The following ZNF782 variants were observed in gnomAD, a reference collection of about 807,000 sequenced individuals.
ZNF782 encodes zinc finger protein 782.
A neutral mutation model predicts 13.0 loss-of-function variants in ZNF782; 12 were observed. The observed-to-expected ratio is 0.92, with a 90% confidence interval of 0.59 to 1.50. The LOEUF (loss-of-function observed/expected upper bound fraction) is 1.50. Among genes scored for constraint, ZNF782 ranks in the 40% most tolerant of loss-of-function variants. The pLI is 0.00. For synonymous variants in ZNF782, 284 were observed against 283.0 expected (o/e 1.00, Z -0.04); for missense variants, 770 against 822.9 (o/e 0.94, Z 0.79).
At chr9:96,837,961 AG>A (rs1443664509) in intron 4 of ZNF782, among the ~76,000 whole-genome samples, 1 of 152,148 alleles carries the variant, frequency 6.6e-6, no homozygotes, top group Non-Finnish European at 1.5e-5. Context: ...CCTGGGTTCA[AG>A]TGATCCGTCC....
intron 5 of ZNF782, 59 bp from the exon 6 acceptor site, chr9:96,819,837 G>T: frequency 7.4e-7 from 1 of 1,357,814 alleles, no homozygotes; most frequent in South Asian, 1.5e-5. Flanking sequence ...TATGGAATGG[G>T]ACATATATGT....
At position 96,818,350 on chromosome 9, in the gene ZNF782, C is replaced by T. The variant is rs1563990726; in HGVS notation, c.1673G>A (p.Gly558Glu). 2 of 1,614,116 alleles carry T rather than the reference C, an allele frequency of 1.2e-6. No individual in the cohort carries two copies. The highest frequency in any genetic ancestry group is 1.3e-5 in the African/African-American group (1 of 75,022). Residue 558 changes from glycine to glutamate, a missense_variant, in exon 6 of 6, where the codon GGG (glycine) becomes GAG (glutamate). Gly to Glu is a moderately conservative substitution (Grantham distance 98). Transcript: ENST00000481138. The stretch of plus-strand genomic sequence containing the variant: ...ATGATTACATTTATAGGGTTTTTCC[C>T]CTGTGTGAATTCTATGATGTCCTCT... ...QLRGHHRIHTGEKPYKCNHCG... is the reference protein window; with the variant it reads ...QLRGHHRIHTEEKPYKCNHCG...
rs1405545945 is a variant in ZNF782, at chr9:96,850,085, T to C, written c.15+1862A>G. Among the ~76,000 whole-genome samples, 2 of 152,150 alleles carry C rather than the reference T, an allele frequency of 1.3e-5. No individual in the cohort carries two copies. The highest frequency in any genetic ancestry group is 2.4e-5 in the African/African-American group (1 of 41,428). Reference sequence around the variant, plus strand: ...GGAATGTAAATTAGGACAACCTCTATGGAAAAAGTATGGAGATTCCTTAAA... The same window carrying C: ...GGAATGTAAATTAGGACAACCTCTACGGAAAAAGTATGGAGATTCCTTAAA... On this transcript the variant is annotated intron_variant, in intron 3 of 5. Coordinates refer to ENST00000481138, the MANE Select transcript of ZNF782 (RefSeq NM_001001662.3). The surrounding 1 kb of genome is among the most constrained non-coding windows in gnomAD (Gnocchi z 4.3).
At position 96,850,573 on chromosome 9, in the gene ZNF782, C is replaced by A. The variant is rs1414450947; in HGVS notation, c.15+1374G>T. Among the ~76,000 whole-genome samples, 1 of 152,078 alleles carries A rather than the reference C, an allele frequency of 6.6e-6. No individual in the cohort carries two copies. Among genetic ancestry groups the A allele is most frequent in the African/African-American group, 2.4e-5 (1 of 41,388 alleles). On this transcript the variant is annotated intron_variant, in intron 3 of 5. Coordinates refer to ENST00000481138, the MANE Select transcript of ZNF782 (RefSeq NM_001001662.3). This position sits in a 1 kb window ranked among gnomAD's most constrained non-coding sequence, Gnocchi z 4.3. ...GGCACAATGTACACTACTTGTCAGA[C>A]CACGGGTGAACTAAAATCTCAGAAT...
At chr9:96,853,906 G>A (rs10979324) in intron 1 of ZNF782, among the ~76,000 whole-genome samples, 182 bp downstream of exon 1, 1 of 152,354 alleles carries the variant, frequency 6.6e-6, no homozygotes, top group South Asian at 2.1e-4. Context: ...TATAACAGCA[G>A]CAGTCCGCTC....
intron 1 of ZNF782, among the ~76,000 whole-genome samples, chr9:96,864,840 T>G (rs1198413629): frequency 7.2e-6 from 1 of 139,492 alleles, no homozygotes; most frequent in Non-Finnish European, 1.5e-5. Flanking sequence ...AAGGCCAGCC[T>G]GGGCAAAAAG....
chr9:96,931,072 G>A, the ZNF782 span, among the ~76,000 whole-genome samples: 1 of 151,826 alleles, frequency 6.6e-6, no homozygotes, highest in Non-Finnish European at 1.5e-5. Flanking sequence ...TATTTTAGTA[G>A]AGATGGGGTT....
At position 96,819,791 on chromosome 9, in the gene ZNF782, A is replaced by C; in HGVS notation, c.245-13T>G. ...GGTTGGGAGTCTTCTAAAAATGATA[A>C]AATTAAACAAACTTTATGATATTTA... is the stretch of plus-strand genomic sequence containing the variant. On this transcript the variant is annotated splice_polypyrimidine_tract_variant and intron_variant, in intron 5 of 5. Transcript: ENST00000481138. 6.5e-7 allele frequency: 1 copy of C among 1,540,510 alleles called. No individual in the cohort carries two copies. Among genetic ancestry groups the C allele is most frequent in the Non-Finnish European group, 8.7e-7 (1 of 1,150,788 alleles).
chr9:96,818,555 T>C lies in ZNF782; in HGVS notation c.1468A>G (p.Met490Val). 1 of 1,613,910 alleles carries C rather than the reference T, an allele frequency of 6.2e-7. No individual in the cohort carries two copies. Among genetic ancestry groups the C allele is most frequent in the Non-Finnish European group, 8.5e-7 (1 of 1,179,950 alleles). The change falls in exon 6 of 6, where the codon ATG (methionine) becomes GTG (valine). Residue 490 changes from methionine (M) to valine (V), a missense_variant. By Grantham distance (21) the Met-to-Val change is conservative. Coordinates refer to ENST00000481138, the MANE Select transcript of ZNF782 (RefSeq NM_001001662.3). ...CTTCGGTGATTCCTTAGGCCTGACA[T>C]ATGGCTGAAAGATTTCCCGCATTCA... The part of the protein sequence containing the change: ...CNECGKSFSH[M>V]SGLRNHRRTH...
chr9:96,818,747 C>A lies in ZNF782; in HGVS notation c.1276G>T (p.Gly426Ter). The change falls in exon 6 of 6, where the codon GGA (glycine) becomes TGA (stop). Residue 426 changes from glycine (G) to a stop codon, truncating the protein, a stop_gained. Transcript: ENST00000481138. LOFTEE classifies it low-confidence loss of function (END_TRUNC). ...HTGEKPYKCD[G>*]CDKAFSAKSG... ...TTTGCACTGAAAGCTTTATCACATC[C>A]ATCACATTTGTATGGTTTCTCTCCC... 1 of 1,614,074 alleles carries A rather than the reference C, an allele frequency of 6.2e-7. No homozygotes were observed. The highest frequency in any genetic ancestry group is 8.5e-7 in the Non-Finnish European group (1 of 1,180,026).
chr9:96,927,452 G>C, the ZNF782 span, among the ~76,000 whole-genome samples: 1 of 151,854 alleles, frequency 6.6e-6, no homozygotes, highest in African/African-American at 2.4e-5. Context: ...GGCTACTCCT[G>C]ACTTCCTTTC....
the ZNF782 span, among the ~76,000 whole-genome samples, chr9:96,912,970 G>A: frequency 6.6e-6 from 1 of 151,966 alleles, no homozygotes; most frequent in African/African-American, 2.4e-5. Context: ...ATATACCAGA[G>A]AGAAAATAAA....
chr9:96,852,172 AC>A (rs1349992706), intron 2 of ZNF782, among the ~76,000 whole-genome samples, 167 bp from the exon 3 acceptor site: 1 of 131,404 alleles, frequency 7.6e-6, no homozygotes, highest in Non-Finnish European at 1.5e-5. Flanking sequence ...GGCACTGTCT[AC>A]GACAACTCTG....
rs533823704 is a variant in ZNF782 at position 96,852,970 on chromosome 9, T to C, written c.-162A>G. 6.5e-6 allele frequency: 1 copy of C among 152,702 alleles called. No homozygotes were observed. The allele number at this position is 152,702 out of a possible 1,614,324, so 9.5% of individuals were successfully genotyped here. On this transcript the variant is annotated 5_prime_UTR_variant, in exon 2 of 6. Coordinates refer to ENST00000481138, the MANE Select transcript of ZNF782 (RefSeq NM_001001662.3). Reference sequence around the variant, plus strand: ...TTAAAGCTTTCAAAAGAATCAGAAGTAGATAGCCACGGAAAACCCTTCATG... The same window carrying C: ...TTAAAGCTTTCAAAAGAATCAGAAGCAGATAGCCACGGAAAACCCTTCATG...
intron 3 of ZNF782, 116 bp from the exon 4 acceptor site, chr9:96,845,132 G>C: frequency 1.5e-6 from 2 of 1,304,646 alleles, no homozygotes; most frequent in Non-Finnish European, 2.1e-6. Flanking sequence ...TGCTATAAGG[G>C]ATTCTTATTA....
At chr9:96,824,132 G>A (rs1311028500) in intron 5 of ZNF782, among the ~76,000 whole-genome samples, 2 of 150,938 alleles carry the variant, frequency 1.3e-5, no homozygotes, top group Non-Finnish European at 3.0e-5. Flanking sequence ...TATCCTTGAT[G>A]AACATTGATG....
intron 5 of ZNF782, among the ~76,000 whole-genome samples, chr9:96,824,491 G>C (rs1850538788): frequency 6.6e-6 from 1 of 151,898 alleles, no homozygotes; most frequent in African/African-American, 2.4e-5. Flanking sequence ...TTGAAAACTG[G>C]CACAAGACAA....
Position 96,820,531 on chromosome 9 carries a change from C to G in ZNF782, c.245-753G>C, listed in dbSNP as rs1588146316. Among the ~76,000 whole-genome samples the G allele has an allele frequency of 2.0e-5, 3 of 149,864 alleles. No individual in the cohort carries two copies. The South Asian group carries it at 6.4e-4, about 32-fold the overall frequency. On this transcript the variant is annotated intron_variant, in intron 5 of 5. Transcript: ENST00000481138. Reference sequence around the variant, plus strand: ...CTTGGTTTATTATGTCAGGGTTGTTCAATAGTGAATCTTTTTTTTTTTTTT... The same window carrying G: ...CTTGGTTTATTATGTCAGGGTTGTTGAATAGTGAATCTTTTTTTTTTTTTT...
chr9:96,925,401 G>T, the ZNF782 span, among the ~76,000 whole-genome samples: 173 of 152,288 alleles, frequency 1.1e-3, no homozygotes, highest in Non-Finnish European at 2.0e-3. Context: ...ACTTTTGGAG[G>T]CCGAGGCGGG....
Sources: allele counts gnomAD v4.1 joint callset (sites outside exome capture counted in the v4.1 genomes callset), GRCh38; gene constraint gnomAD v4.1.1; non-coding constraint Gnocchi (gnomAD v3.1); transcripts MANE v1.5; gene names NCBI Gene and HGNC (gene_info 2026-07-23, HGNC 2026-07-21).